MOSMO: variants seen among roughly 807,000 people sequenced by gnomAD.
MOSMO encodes the protein modulator of smoothened, also known as modulator of smoothened protein.
In MOSMO, 5 loss-of-function variants were observed where a neutral mutation model predicts 18.4. The observed-to-expected ratio is 0.27, with a 90% CI of 0.14 to 0.57. MOSMO has a LOEUF of 0.57. Ranked by LOEUF, MOSMO falls within the 20% of genes least tolerant of loss-of-function variation. The pLI is 0.92. For synonymous variants in MOSMO, 82 were observed against 82.3 expected, an observed-to-expected ratio of 1.00 and a Z score of 0.02; for missense variants, 138 against 211.8, an observed-to-expected ratio of 0.65 and a Z score of 2.16.
At chr16:22,020,935 C>T (rs540946677) in intron 1 of MOSMO, among the ~76,000 whole-genome samples, 6 of 152,106 alleles carry the variant, frequency 3.9e-5, no homozygotes, top group South Asian at 2.1e-4. Context: ...AGAGGAATTA[C>T]GGAGATTGTA....
chr16:22,018,439 C>A lies in MOSMO; in HGVS notation c.106+10032C>A, dbSNP rs184451392. Among the ~76,000 whole-genome samples the A allele has an allele frequency of 1.6e-3, 246 of 152,220 alleles. 1 individual carries two copies. The highest frequency in any genetic ancestry group is 0.014 in the Middle Eastern group (4 of 294). On this transcript the variant is annotated intron_variant, in intron 1 of 2. Coordinates refer to ENST00000542527, the MANE Select transcript of MOSMO (RefSeq NM_001164579.2). Reference sequence around the variant, plus strand: ...CCTCCAAAGACAAAAATCTTTAAGGCCACTTAGACTGTCAAAGAGATATGA... The same window carrying A: ...CCTCCAAAGACAAAAATCTTTAAGGACACTTAGACTGTCAAAGAGATATGA...
intron 1 of MOSMO, among the ~76,000 whole-genome samples, chr16:22,051,032 A>G (rs1463439206): frequency 1.3e-5 from 2 of 152,134 alleles, no homozygotes; most frequent in Non-Finnish European, 2.9e-5. Context: ...TATTGAAGTA[A>G]GAGAAGACCT....
chr16:22,034,879 C>T (rs1481275373), intron 1 of MOSMO, among the ~76,000 whole-genome samples: 5 of 150,246 alleles, frequency 3.3e-5, no homozygotes, highest in East Asian at 2.0e-4. Context: ...TACAGGCATG[C>T]GCCACCATAC....
intron 1 of MOSMO, among the ~76,000 whole-genome samples, chr16:22,043,605 A>G (rs572834979): frequency 6.6e-6 from 1 of 152,346 alleles, no homozygotes; most frequent in South Asian, 2.1e-4. Flanking sequence ...AACATACTAT[A>G]CTTTTCCATC....
chr16:22,040,733 A>G (rs879612736), intron 1 of MOSMO, among the ~76,000 whole-genome samples: 31 of 152,344 alleles, frequency 2.0e-4, no homozygotes, highest in Middle Eastern at 3.4e-3. Flanking sequence ...TTCTAGAAAG[A>G]ATAAAGGGCC....
chr16:22,059,069 T>G (rs1018856621), intron 1 of MOSMO, among the ~76,000 whole-genome samples: 16 of 152,332 alleles, frequency 1.1e-4, no homozygotes, highest in South Asian at 6.2e-4. Context: ...AGTAACCCTC[T>G]CTCTCTCGCC....
At chr16:22,091,417 T>G (rs1002770296), downstream of MOSMO, among the ~76,000 whole-genome samples, 7 of 152,202 alleles carry the variant, frequency 4.6e-5, no homozygotes, top group African/African-American at 1.7e-4. Context: ...AGGGTCTTGC[T>G]CTGTAGCCCA....
chr16:22,051,087 T>C (rs1204194765), intron 1 of MOSMO, among the ~76,000 whole-genome samples: 1 of 151,974 alleles, frequency 6.6e-6, no homozygotes, highest in Non-Finnish European at 1.5e-5. Flanking sequence ...AAAGACATGA[T>C]TATTAAATTT....
chr16:22,066,915 T>G (rs1199352623), intron 1 of MOSMO, among the ~76,000 whole-genome samples: 2 of 152,232 alleles, frequency 1.3e-5, no homozygotes, highest in Non-Finnish European at 2.9e-5. Flanking sequence ...AAACTGCTCC[T>G]GATGAAGCCC....
intron 1 of MOSMO, among the ~76,000 whole-genome samples, chr16:22,021,870 G>A (rs1200444817): frequency 2.6e-5 from 4 of 152,096 alleles, no homozygotes; most frequent in Non-Finnish European, 5.9e-5. Flanking sequence ...TTTACCAGCT[G>A]AGGGGCTTTG....
At chr16:22,051,320 A>G (rs2141745985) in intron 1 of MOSMO, among the ~76,000 whole-genome samples, 1 of 151,750 alleles carries the variant, frequency 6.6e-6, no homozygotes, top group East Asian at 2.0e-4. Flanking sequence ...CCTGGGAGGT[A>G]GAAGTTGCAG....
intron 1 of MOSMO, among the ~76,000 whole-genome samples, chr16:22,054,456 T>C (rs1280616808): frequency 1.3e-5 from 2 of 152,154 alleles, no homozygotes; most frequent in Non-Finnish European, 2.9e-5. Flanking sequence ...TCCTTGAAAG[T>C]TAGATTCCAT....
intron 1 of MOSMO, among the ~76,000 whole-genome samples, chr16:22,031,805 C>T (rs55826492): frequency 0.058 from 8,794 of 152,226 alleles, 343 homozygotes; most frequent in East Asian, 0.11. Flanking sequence ...TTACAAATAA[C>T]GCCTCTGTGA....
At chr16:22,049,241 C>CTT (rs1210845862) in intron 1 of MOSMO, among the ~76,000 whole-genome samples, 1 of 152,138 alleles carries the variant, frequency 6.6e-6, no homozygotes, top group Admixed American at 6.5e-5. Context: ...CATTCTGTAG[C>CTT]CCAGGCTGAA....
chr16:22,066,864 A>G (rs2141768023), intron 1 of MOSMO, among the ~76,000 whole-genome samples: 1 of 152,336 alleles, frequency 6.6e-6, no homozygotes, highest in East Asian at 1.9e-4. Context: ...AGAAACAGGA[A>G]AGTGTGGCCT....
Position 22,083,231 on chromosome 16 carries a change from T to C in MOSMO, c.*2351T>C, listed in dbSNP as rs1026206396. On this transcript the variant is annotated 3_prime_UTR_variant, in exon 3 of 3. Transcript: ENST00000542527. Reference sequence around the variant, plus strand: ...TGCTAAGAATTTCCCCACTGTTTACTTCTTTCACTTATGGTGGTATTGCAT... The same window carrying C: ...TGCTAAGAATTTCCCCACTGTTTACCTCTTTCACTTATGGTGGTATTGCAT... 6.6e-6 allele frequency: 1 copy of C among 152,352 alleles called. No individual in the cohort carries two copies. The highest frequency in any genetic ancestry group is 2.4e-5 in the African/African-American group (1 of 41,470). 9.4% of individuals were successfully genotyped at this position (152,352 alleles called of 1,614,324 possible).
At chr16:22,071,617 A>C (rs1320519461) in intron 1 of MOSMO, among the ~76,000 whole-genome samples, 1 of 152,194 alleles carries the variant, frequency 6.6e-6, no homozygotes, top group Non-Finnish European at 1.5e-5. Flanking sequence ...AAGACTCAGG[A>C]TGACTTTCCT....
chr16:22,075,461 T>C (rs942655381), intron 1 of MOSMO, 26 bp from the exon 2 acceptor site: 25 of 1,268,562 alleles, frequency 2.0e-5, no homozygotes, highest in Non-Finnish European at 2.4e-5. Flanking sequence ...CCCACTAAAG[T>C]ATTCCCACCA....
chr16:22,074,053 A>G lies in MOSMO; in HGVS notation c.107-1434A>G, dbSNP rs541088980. Among the ~76,000 whole-genome samples, 14 of 152,276 alleles carry G rather than the reference A, an allele frequency of 9.2e-5. No homozygotes were observed. The East Asian group carries it at 2.5e-3, about 27-fold the overall frequency. ...TTGCTTTATTTCTAAAAATACATCA[A>G]TGGCCAAACTCAAGTTGCAGAAAAG... On this transcript the variant is annotated intron_variant, in intron 1 of 2. Transcript: ENST00000542527.
Sources: gnomAD v4.1 joint callset for allele counts (sites outside exome capture counted in the v4.1 genomes callset) on GRCh38, gnomAD v4.1.1 for gene constraint, MANE v1.5 for transcripts, NCBI Gene and HGNC (gene_info 2026-07-23, HGNC 2026-07-21) for gene names.